PHACTR2: variants seen among roughly 807,000 people sequenced by gnomAD.
PHACTR2 encodes phosphatase and actin regulator 2.
PHACTR2 carries 30 observed loss-of-function variants against 76.0 expected under a neutral mutation model. The observed-to-expected ratio is 0.39, with a 90% CI of 0.30 to 0.54. The LOEUF is 0.54. Ranked by LOEUF, PHACTR2 falls within the 20% of genes least tolerant of loss-of-function variation. The pLI is 0.61. For missense variants in PHACTR2, 696 were observed against 781.1 expected, an observed-to-expected ratio of 0.89 and a Z score of 1.30; for synonymous variants, 292 against 292.5, an observed-to-expected ratio of 1.00 and a Z score of 0.02.
chr6:143,588,092 G>A (rs951079422), intron 1 of PHACTR2, among the ~76,000 whole-genome samples: 5 of 150,690 alleles, frequency 3.3e-5, no homozygotes, highest in African/African-American at 1.2e-4. Context: ...AATATTACTG[G>A]CAGTGAAAGA....
chr6:143,676,265 A>C (rs141955995), upstream of PHACTR2, among the ~76,000 whole-genome samples: 875 of 152,364 alleles, frequency 5.7e-3, 9 homozygotes, highest in African/African-American at 0.018. This position sits in a 1 kb window ranked among gnomAD's most constrained non-coding sequence, Gnocchi z 4.8. Context: ...TGTATTAAGC[A>C]ATTCCTGAAA....
Position 143,546,235 on chromosome 6 carries a change from G to A in PHACTR2, c.217+9028G>A, listed in dbSNP as rs1346894150. On this transcript the variant is annotated intron_variant, in intron 1 of 11. Transcript: ENST00000367584. This position sits in a 1 kb window ranked among gnomAD's most constrained non-coding sequence, Gnocchi z 4.9. ...AGATTTCTGAGCTCTAACTTATTTT[G>A]TGACCTGTTGGCTAAAATTTGACAT... 6.6e-6 allele frequency among the ~76,000 whole-genome samples: 1 copy of A among 152,060 alleles called. No individual in the cohort carries two copies. Among genetic ancestry groups the A allele is most frequent in the Non-Finnish European group, 1.5e-5 (1 of 68,032 alleles).
At chr6:143,638,757 C>T (rs955235023) in intron 1 of PHACTR2, among the ~76,000 whole-genome samples, 6 of 152,130 alleles carry the variant, frequency 3.9e-5, no homozygotes, top group Admixed American at 6.5e-5. Context: ...TCATACTTTT[C>T]CTTCAAATAT....
At chr6:143,746,345 A>C (rs575163336) in intron 2 of PHACTR2, among the ~76,000 whole-genome samples, 1 of 152,336 alleles carries the variant, frequency 6.6e-6, no homozygotes, top group African/African-American at 2.4e-5. Context: ...GGGCAATTTT[A>C]AAGAAGCAGC....
chr6:143,768,886 C>T (rs947173325), intron 6 of PHACTR2, among the ~76,000 whole-genome samples: 5 of 152,178 alleles, frequency 3.3e-5, no homozygotes, highest in African/African-American at 1.2e-4. Flanking sequence ...GTTCATCCTA[C>T]AGGGATGGTT....
chr6:143,802,285 A>T (rs964668296), intron 11 of PHACTR2, among the ~76,000 whole-genome samples: 18 of 152,012 alleles, frequency 1.2e-4, no homozygotes, highest in African/African-American at 4.1e-4. Flanking sequence ...ACCCAGCACC[A>T]TTGGAGCTCT....
In PHACTR2 at chr6:143,608,406, G is replaced by A. The variant is rs1582695599; in HGVS notation, c.13+84G>A. The stretch of plus-strand genomic sequence containing the variant: ...TTTACTGCGGAAGGTTTGCCTATTT[G>A]TTGCTCTCGTTTTGCACTTAAATGT... On this transcript the variant is annotated intron_variant, in intron 1 of 11. Coordinates refer to the PHACTR2 transcript ENST00000305766. This position sits in a 1 kb window ranked among gnomAD's most constrained non-coding sequence, Gnocchi z 4.6. 1 of 1,409,764 alleles carries A rather than the reference G, an allele frequency of 7.1e-7. No individual in the cohort carries two copies. The highest frequency in any genetic ancestry group is 2.3e-5 in the East Asian group (1 of 43,710). 87.3% of individuals were successfully genotyped at this position (1,409,764 alleles called of 1,614,324 possible).
chr6:143,626,653 C>A (rs566710004), intron 1 of PHACTR2, among the ~76,000 whole-genome samples: 2 of 152,012 alleles, frequency 1.3e-5, no homozygotes, highest in African/African-American at 4.8e-5. Flanking sequence ...TAAATCATGT[C>A]TTCCTTAATA....
intron 1 of PHACTR2, among the ~76,000 whole-genome samples, chr6:143,636,443 C>CCATTGTGGAATGTTTTCCATACAT (rs1776456995): frequency 3.3e-5 from 5 of 151,902 alleles, no homozygotes; most frequent in Admixed American, 3.3e-4. Context: ...TTTCCATACA[C>CCATTGTGGAATGTTTTCCATACAT]GTTGAGACCT....
In PHACTR2 at chr6:143,624,465, C is replaced by G. The variant is rs980847830; in HGVS notation, c.13+16143C>G. On this transcript the variant is annotated intron_variant, in intron 1 of 11. Transcript: ENST00000305766. The surrounding 1 kb of genome is among the most constrained non-coding windows in gnomAD (Gnocchi z 4.6). The stretch of plus-strand genomic sequence containing the variant: ...TCATAGTTACTAATTCATATTCACA[C>G]AATATCACCACAACATGGACATTTC... Among the ~76,000 whole-genome samples, 3 of 152,178 alleles carry G rather than the reference C, an allele frequency of 2.0e-5. No individual in the cohort carries two copies. Among genetic ancestry groups the G allele is most frequent in the Non-Finnish European group, 2.9e-5 (2 of 68,022 alleles).
intron 10 of PHACTR2, among the ~76,000 whole-genome samples, chr6:143,785,050 C>T (rs1340409397): frequency 1.3e-5 from 2 of 152,152 alleles, no homozygotes; most frequent in Non-Finnish European, 1.5e-5. Flanking sequence ...ACCAATCATG[C>T]CTTCCCAACA....
In PHACTR2 at chr6:143,767,626, C is replaced by T. The variant is rs1779588669; in HGVS notation, c.1232+1828C>T. Among the ~76,000 whole-genome samples, 1 of 152,068 alleles carries T rather than the reference C, an allele frequency of 6.6e-6. No individual in the cohort carries two copies. The highest frequency in any genetic ancestry group is 2.1e-4 in the South Asian group (1 of 4,822). On this transcript the variant is annotated intron_variant, in intron 6 of 12. Transcript: ENST00000440869. This position sits in a 1 kb window ranked among gnomAD's most constrained non-coding sequence, Gnocchi z 4.4. ...TCCTAGGGGCTGAGAAGTCCAAGAT[C>T]AAGGCAGCAGCATTTGGCAAGGATC... is the stretch of plus-strand genomic sequence containing the variant.
At chr6:143,577,620 C>T (rs1562240880) in intron 1 of PHACTR2, among the ~76,000 whole-genome samples, 1 of 152,118 alleles carries the variant, frequency 6.6e-6, no homozygotes, top group South Asian at 2.1e-4. Flanking sequence ...ATTGATATAT[C>T]GGAACCCTAT....
At position 143,641,506 on chromosome 6, in the gene PHACTR2, TTTG is replaced by T. The variant is rs1190339452; in HGVS notation, c.13+33196_13+33198del. On this transcript the variant is annotated intron_variant, in intron 1 of 11. Transcript: ENST00000305766. The surrounding 1 kb of genome is among the most constrained non-coding windows in gnomAD (Gnocchi z 5.8). ...GTTGATTTGTTTGTTTGTTTGTGTG[TTTG>T]TTGTTGTTGTTTTTGAGACAGAGTT... 1.3e-5 allele frequency among the ~76,000 whole-genome samples: 2 copies of T among 152,252 alleles called. No homozygotes were observed. The highest frequency in any genetic ancestry group is 1.9e-4 in the East Asian group (1 of 5,188).
rs909536136 is a variant in PHACTR2 at position 143,683,049 on chromosome 6, G to A, written c.46+4840G>A. ...CTAGGATAAATCCCACTTGGGTAAT[G>A]TGTATAATCCTTTTTGTATGTTGCT... On this transcript the variant is annotated intron_variant, in intron 1 of 12. Coordinates refer to ENST00000440869, the MANE Select transcript of PHACTR2 (RefSeq NM_001100164.2). The surrounding 1 kb of genome is among the most constrained non-coding windows in gnomAD (Gnocchi z 4.1). 6.6e-6 allele frequency among the ~76,000 whole-genome samples: 1 copy of A among 152,176 alleles called. No homozygotes were observed. The highest frequency in any genetic ancestry group is 2.4e-5 in the African/African-American group (1 of 41,442).
upstream of PHACTR2, among the ~76,000 whole-genome samples, chr6:143,674,535 A>G (rs528900680): frequency 2.0e-5 from 3 of 152,264 alleles, no homozygotes; most frequent in Admixed American, 1.3e-4. The surrounding 1 kb of genome is among the most constrained non-coding windows in gnomAD (Gnocchi z 4.9). Context: ...ATCTGCTTGT[A>G]TATGGCCACT....
chr6:143,678,298 T>G lies in PHACTR2; in HGVS notation c.46+89T>G. ...GGGGCAGGCAGGGTTAGTCGTCTGG[T>G]CGGGTTCCGCTCGGACCCGCCAAGT... On this transcript the variant is annotated intron_variant, in intron 1 of 12. Transcript: ENST00000440869. This position sits in a 1 kb window ranked among gnomAD's most constrained non-coding sequence, Gnocchi z 6.2. The G allele has an allele frequency of 8.0e-7, 1 of 1,254,860 alleles. No individual in the cohort carries two copies. The highest frequency in any genetic ancestry group is 1.0e-6 in the Non-Finnish European group (1 of 957,722). 77.7% of individuals were successfully genotyped at this position (1,254,860 alleles called of 1,614,324 possible).
In PHACTR2 at chr6:143,733,550, A is replaced by C. The variant is rs1181068181; in HGVS notation, c.215-15435A>C. On this transcript the variant is annotated intron_variant, in intron 2 of 12. Coordinates refer to ENST00000440869, the MANE Select transcript of PHACTR2 (RefSeq NM_001100164.2). The surrounding 1 kb of genome is among the most constrained non-coding windows in gnomAD (Gnocchi z 4.0). The stretch of plus-strand genomic sequence containing the variant: ...GGGTAGGGAATGACTGCTTGTTTTC[A>C]ATCCTTCTTTAGTGTTCATACCACT... Among the ~76,000 whole-genome samples, 5 of 152,240 alleles carry C rather than the reference A, an allele frequency of 3.3e-5. No individual in the cohort carries two copies. Among genetic ancestry groups the C allele is most frequent in the Non-Finnish European group, 4.4e-5 (3 of 68,006 alleles).
rs1468367799 is a variant in PHACTR2 at position 143,713,048 on chromosome 6, T to C, written c.214+865T>C. Among the ~76,000 whole-genome samples, 5 of 152,286 alleles carry C rather than the reference T, an allele frequency of 3.3e-5. No individual in the cohort carries two copies. The East Asian group carries it at 9.6e-4, about 29-fold the overall frequency. On this transcript the variant is annotated intron_variant, in intron 2 of 12. Coordinates refer to ENST00000440869, the MANE Select transcript of PHACTR2 (RefSeq NM_001100164.2). ...TCCAAGGCAATCCCTTCATCAAAAT[T>C]CCTCACTGCACCACAGTCTAATATT...
Sources: gnomAD v4.1 joint callset for allele counts (sites outside exome capture counted in the v4.1 genomes callset) on GRCh38, gnomAD v4.1.1 for gene constraint, Gnocchi (gnomAD v3.1) non-coding constraint, MANE v1.5 for transcripts, NCBI Gene and HGNC (gene_info 2026-07-23, HGNC 2026-07-21) for gene names.